The following ATG7 variants were observed in gnomAD, a reference collection of about 807,000 sequenced individuals.
ATG7 encodes the protein ubiquitin-like modifier-activating enzyme ATG7.
ATG7 carries 70 observed loss-of-function variants against 82.4 expected under a neutral mutation model. The ratio of observed to expected loss-of-function variants is 0.85; its 90% CI spans 0.70 to 1.04. The LOEUF is 1.04. Among genes scored for constraint, ATG7 ranks in the 50% least tolerant of loss-of-function variants. ATG7 has a pLI of 0.00. For synonymous variants in ATG7, 287 were observed against 313.0 expected, an observed-to-expected ratio of 0.92 and a Z score of 0.88; for missense variants, 792 against 864.3, an observed-to-expected ratio of 0.92 and a Z score of 1.05.
intron 20 of ATG7, among the ~76,000 whole-genome samples, chr3:11,553,549 C>A (rs1183969501): frequency 6.6e-6 from 1 of 152,226 alleles, no homozygotes; most frequent in Non-Finnish European, 1.5e-5. Flanking sequence ...TCAGTCCCAC[C>A]CTGGGGGAGT....
At chr3:11,559,325 C>T (rs1194410178), downstream of ATG7, 8 of 1,532,596 alleles carry the variant, frequency 5.2e-6, no homozygotes, top group Admixed American at 4.1e-5. Flanking sequence ...AGGCCCGGGA[C>T]ACTCACCGCT....
intron 9 of ATG7, among the ~76,000 whole-genome samples, chr3:11,319,770 C>T (rs1329418576): frequency 2.0e-5 from 3 of 152,300 alleles, no homozygotes; most frequent in South Asian, 2.1e-4. Context: ...CCCCTACCAC[C>T]CCTGTGTCTT....
chr3:11,536,597 G>C (rs2070320240), intron 20 of ATG7, among the ~76,000 whole-genome samples: 1 of 152,216 alleles, frequency 6.6e-6, no homozygotes, highest in Non-Finnish European at 1.5e-5. Flanking sequence ...CCACCCATCT[G>C]TTTTCAGAGT....
intron 20 of ATG7, among the ~76,000 whole-genome samples, chr3:11,530,302 C>T (rs928444755): frequency 1.3e-5 from 2 of 152,148 alleles, no homozygotes; most frequent in African/African-American, 4.8e-5. Flanking sequence ...GTGTGCGGTG[C>T]GCGTGCAGTC....
At chr3:11,436,246 GA>G (rs949727339) in intron 20 of ATG7, among the ~76,000 whole-genome samples, 1 of 152,110 alleles carries the variant, frequency 6.6e-6, no homozygotes, top group African/African-American at 2.4e-5. Flanking sequence ...TAGCCATTGG[GA>G]CAATACAAAT....
intron 20 of ATG7, among the ~76,000 whole-genome samples, chr3:11,532,415 CAGT>C (rs748639537): frequency 6.6e-6 from 1 of 152,112 alleles, no homozygotes; most frequent in Non-Finnish European, 1.5e-5. Flanking sequence ...GAGATGGAAT[CAGT>C]GGTGAGGAAC....
chr3:11,315,301 A>G (rs745603598), intron 8 of ATG7, 43 bp from the exon 9 acceptor site: 5 of 1,472,762 alleles, frequency 3.4e-6, no homozygotes, highest in Non-Finnish European at 4.5e-6. Flanking sequence ...CAGAACTAGA[A>G]ATGTAATTTT....
At chr3:11,554,767 G>C (rs761931439) in intron 20 of ATG7, 44 bp from the exon 21 acceptor site, 1 of 1,608,816 alleles carries the variant, frequency 6.2e-7, no homozygotes, top group South Asian at 1.1e-5. Flanking sequence ...CCCCCCACCG[G>C]GCAGTGGGAC....
chr3:11,527,934 C>G (rs143820473), intron 20 of ATG7, among the ~76,000 whole-genome samples: 1 of 152,318 alleles, frequency 6.6e-6, no homozygotes, highest in Non-Finnish European at 1.5e-5. Flanking sequence ...CGTATCCATG[C>G]AGAAATGCAG....
At chr3:11,534,861 C>G (rs1175171888) in intron 20 of ATG7, among the ~76,000 whole-genome samples, 1 of 152,258 alleles carries the variant, frequency 6.6e-6, no homozygotes, top group African/African-American at 2.4e-5. Context: ...TCTTCTTCCC[C>G]AGGCTCAGCC....
At chr3:11,316,753 A>G (rs1037346681) in intron 9 of ATG7, among the ~76,000 whole-genome samples, 5 of 152,236 alleles carry the variant, frequency 3.3e-5, no homozygotes, top group African/African-American at 4.8e-5. Context: ...GATCAGATAT[A>G]TAGGAAGTTG....
intron 20 of ATG7, among the ~76,000 whole-genome samples, chr3:11,511,897 G>A (rs571855016): frequency 1.3e-5 from 2 of 152,072 alleles, no homozygotes; most frequent in African/African-American, 2.4e-5. Context: ...CGAATGCGGG[G>A]CCCACCAAGC....
At chr3:11,410,896 C>T (rs985262832) in intron 19 of ATG7, among the ~76,000 whole-genome samples, 3 of 152,016 alleles carry the variant, frequency 2.0e-5, no homozygotes, top group Admixed American at 2.0e-4. Flanking sequence ...TCTTCAGTTC[C>T]CTGCTTTTAA....
At chr3:11,386,895 T>C (rs2078359090) in intron 19 of ATG7, among the ~76,000 whole-genome samples, 1 of 152,232 alleles carries the variant, frequency 6.6e-6, no homozygotes, top group Admixed American at 6.5e-5. Context: ...AGTATTTAGC[T>C]ACAAGCCTTA....
chr3:11,418,391 G>T (rs1351968684), intron 19 of ATG7, among the ~76,000 whole-genome samples: 1 of 151,992 alleles, frequency 6.6e-6, no homozygotes, highest in Non-Finnish European at 1.5e-5. Context: ...TGGGGTTACA[G>T]GTGTGAGCCA....
intron 20 of ATG7, among the ~76,000 whole-genome samples, chr3:11,465,688 C>A (rs188478868): frequency 1.3e-5 from 2 of 151,782 alleles, no homozygotes; most frequent in Non-Finnish European, 2.9e-5. Flanking sequence ...TTGCTTGAAC[C>A]CAGGAGGTCG....
At chr3:11,562,150 A>AC (rs2125115862), downstream of ATG7, among the ~76,000 whole-genome samples, 1 of 151,112 alleles carries the variant, frequency 6.6e-6, no homozygotes, top group East Asian at 2.0e-4. Context: ...CGCCGCCTCA[A>AC]CCCCCCAAAG....
At chr3:11,317,744 C>A (rs527894297) in intron 9 of ATG7, among the ~76,000 whole-genome samples, 3 of 152,206 alleles carry the variant, frequency 2.0e-5, no homozygotes, top group African/African-American at 7.2e-5. Context: ...AGGTGCGCAC[C>A]ATCATGCCCA....
downstream of ATG7, chr3:11,558,261 C>T (rs930913125): frequency 2.9e-5 from 14 of 488,310 alleles, no homozygotes; most frequent in African/African-American, 1.7e-4. Flanking sequence ...CTGGCCCCGT[C>T]GGGGCAGCAG....
Sources: gnomAD v4.1 joint callset for allele counts (sites outside exome capture counted in the v4.1 genomes callset) on GRCh38, gnomAD v4.1.1 for gene constraint, MANE v1.5 for transcripts, NCBI Gene and HGNC (gene_info 2026-07-23, HGNC 2026-07-21) for gene names.